The following TSEN2 variants were observed in gnomAD, a reference collection of about 807,000 sequenced individuals.
The protein encoded by TSEN2 is tRNA-splicing endonuclease subunit Sen2.
Under a neutral mutation model 59.2 loss-of-function variants are expected in TSEN2, and 54 were observed. That is an observed-to-expected ratio of 0.91 (90% CI 0.73 to 1.14). TSEN2 has a LOEUF of 1.14. Among genes scored for constraint, TSEN2 ranks in the 50% most tolerant of loss-of-function variants. The pLI is 0.00. For synonymous variants in TSEN2, 195 were observed against 198.2 expected (o/e 0.98, Z 0.14); for missense variants, 636 against 576.2 (o/e 1.10, Z -1.06).
Position 12,497,193 on chromosome 3 carries a change from G to C in TSEN2, c.308+639G>C, listed in dbSNP as rs1015979163. Among the ~76,000 whole-genome samples the C allele has an allele frequency of 2.6e-5, 4 of 152,180 alleles. No homozygotes were observed. The South Asian group carries it at 8.3e-4, about 32-fold the overall frequency. Reference sequence around the variant, plus strand: ...TTAGACTGTCGGTGCTTGGAGAGCAGAGATCAGGCCCTTCTCCTCTCTGCA... The same window carrying C: ...TTAGACTGTCGGTGCTTGGAGAGCACAGATCAGGCCCTTCTCCTCTCTGCA... On this transcript the variant is annotated intron_variant, in intron 4 of 11. Coordinates refer to ENST00000284995, the MANE Select transcript of TSEN2 (RefSeq NM_025265.4).
rs2052399404 is a variant in TSEN2 at position 12,484,638 on chromosome 3, T to C, written c.-260T>C. 6.6e-6 allele frequency: 1 copy of C among 152,228 alleles called. No individual in the cohort carries two copies. Among genetic ancestry groups the C allele is most frequent in the Non-Finnish European group, 1.5e-5 (1 of 68,058 alleles). 9.4% of individuals were successfully genotyped at this position (152,228 alleles called of 1,614,324 possible). ...AGAGGAAAGGGCCTAGGTACTGTGC[T>C]GGGGTCGCACAGCCGGCCGAGACAG... On this transcript the variant is annotated 5_prime_UTR_variant, in exon 1 of 12. Coordinates refer to ENST00000284995, the MANE Select transcript of TSEN2 (RefSeq NM_025265.4).
At chr3:12,521,685 A>G (rs941962338) in intron 8 of TSEN2, among the ~76,000 whole-genome samples, 8 of 151,892 alleles carry the variant, frequency 5.3e-5, no homozygotes, top group Admixed American at 3.9e-4. Flanking sequence ...ACTGCACTCC[A>G]GCCTGCACAA....
upstream of TSEN2, among the ~76,000 whole-genome samples, chr3:12,483,142 G>A (rs530937807): frequency 1.3e-4 from 20 of 152,196 alleles, no homozygotes; most frequent in Non-Finnish European, 1.9e-4. Flanking sequence ...TTGGGAGGCC[G>A]AGGCGGGAGG....
At chr3:12,527,527 C>A (rs1330721282) in intron 8 of TSEN2, among the ~76,000 whole-genome samples, 1 of 149,294 alleles carries the variant, frequency 6.7e-6, no homozygotes, top group African/African-American at 2.5e-5. Flanking sequence ...GATCTCGGCT[C>A]ACTGCAAGCT....
chr3:12,486,465 A>G (rs1224574614), intron 1 of TSEN2, among the ~76,000 whole-genome samples: 1 of 152,164 alleles, frequency 6.6e-6, no homozygotes. Flanking sequence ...TATCTTTTCT[A>G]GAAGCTTCAC....
intron 3 of TSEN2, among the ~76,000 whole-genome samples, chr3:12,495,126 CAAAAAAAA>C (rs1160986136): frequency 1.2e-4 from 8 of 68,700 alleles, no homozygotes; most frequent in African/African-American, 5.0e-4. Flanking sequence ...ACTCCGTCTC[CAAAAAAAA>C]AAAAAAAAAA....
At chr3:12,519,528 G>T (rs1459744928) in intron 8 of TSEN2, among the ~76,000 whole-genome samples, 1 of 152,116 alleles carries the variant, frequency 6.6e-6, no homozygotes, top group African/African-American at 2.4e-5. Context: ...GGTGGATCAC[G>T]AGGTCAGGAG....
chr3:12,500,797 T>G (rs1277639898), intron 4 of TSEN2, among the ~76,000 whole-genome samples: 1 of 152,156 alleles, frequency 6.6e-6, no homozygotes, highest in African/African-American at 2.4e-5. Context: ...TGGGGTCATA[T>G]AGCTGGTATG....
At chr3:12,518,966 G>C in intron 7 of TSEN2, 93 bp from the exon 8 acceptor site, 1 of 1,280,078 alleles carries the variant, frequency 7.8e-7, no homozygotes, top group Non-Finnish European at 1.1e-6. Flanking sequence ...CACTGCTTCA[G>C]CTCCACACTT....
In TSEN2 at chr3:12,532,895, C is replaced by T; in HGVS notation, c.*174C>T. 2 of 686,516 alleles carry T rather than the reference C, an allele frequency of 2.9e-6. No individual in the cohort carries two copies. Among genetic ancestry groups the T allele is most frequent in the South Asian group, 3.4e-5 (2 of 58,770 alleles). The allele number at this position is 686,516 out of a possible 1,614,324, so 42.5% of individuals were successfully genotyped here. ...AAATTACACAAGGGAGGAGAAAGAT[C>T]CCTGTGCTAGGACTGCAGATTCTAT... is the stretch of plus-strand genomic sequence containing the variant. On this transcript the variant is annotated 3_prime_UTR_variant, in exon 12 of 12. Transcript: ENST00000284995.
chr3:12,482,076 C>T (rs1056466388), upstream of TSEN2, among the ~76,000 whole-genome samples: 2 of 151,972 alleles, frequency 1.3e-5, no homozygotes, highest in African/African-American at 2.4e-5. Context: ...GTGTGTATAT[C>T]GAGAATGCAA....
At position 12,486,252 on chromosome 3, in the gene TSEN2, T is replaced by C. The variant is rs560250642; in HGVS notation, c.-18+1372T>C. Among the ~76,000 whole-genome samples, 4 of 152,306 alleles carry C rather than the reference T, an allele frequency of 2.6e-5. No homozygotes were observed. In the South Asian group the frequency reaches 8.3e-4, roughly 32 times the overall value. ...TACTCACATCCCACCTCTTACAGCA[T>C]GCTGTTCTGCCGCGACACTAAAGAA... is the stretch of plus-strand genomic sequence containing the variant. On this transcript the variant is annotated intron_variant, in intron 1 of 11. Transcript: ENST00000284995.
chr3:12,530,715 T>C, intron 10 of TSEN2: 1 of 985,418 alleles, frequency 1.0e-6, no homozygotes, highest in Non-Finnish European at 1.2e-6. Context: ...GCCTATACTG[T>C]TTCTAGAATT....
chr3:12,525,933 G>A (rs572145491), intron 8 of TSEN2, among the ~76,000 whole-genome samples: 5 of 152,188 alleles, frequency 3.3e-5, no homozygotes, highest in South Asian at 2.1e-4. Flanking sequence ...TGATGGCTAC[G>A]ATGTCATTAG....
chr3:12,519,045 G>A lies in TSEN2; in HGVS notation c.961-14G>A, dbSNP rs748777382. The A allele has an allele frequency of 3.7e-5, 60 of 1,613,070 alleles. No homozygotes were observed. Among genetic ancestry groups the A allele is most frequent in the Non-Finnish European group, 4.8e-5 (57 of 1,179,710 alleles). ...ACATAGTAATGCTTTTTGTTTTTTTGTAAATAACTTTAGGAGCCTTTAACG... is the reference window on the plus strand; with the variant it reads ...ACATAGTAATGCTTTTTGTTTTTTTATAAATAACTTTAGGAGCCTTTAACG... On this transcript the variant is annotated splice_polypyrimidine_tract_variant and intron_variant, in intron 7 of 11. Transcript: ENST00000284995.
downstream of TSEN2, among the ~76,000 whole-genome samples, chr3:12,536,876 A>G (rs1367573969): frequency 6.6e-6 from 1 of 152,092 alleles, no homozygotes; most frequent in Non-Finnish European, 1.5e-5. Flanking sequence ...GGTGGCAGGC[A>G]CCTGTAATCC....
At chr3:12,534,252 C>T (rs1238753027), downstream of TSEN2, among the ~76,000 whole-genome samples, 1 of 152,158 alleles carries the variant, frequency 6.6e-6, no homozygotes, top group East Asian at 1.9e-4. Context: ...TGTGATTTTG[C>T]AAACAGTGTC....
At chr3:12,511,710 G>A (rs1460451300) in intron 6 of TSEN2, among the ~76,000 whole-genome samples, 1 of 151,962 alleles carries the variant, frequency 6.6e-6, no homozygotes, top group Non-Finnish European at 1.5e-5. Context: ...GGAACCACAG[G>A]CACATGCCAC....
intron 6 of TSEN2, among the ~76,000 whole-genome samples, chr3:12,508,070 G>A (rs2055029954): frequency 6.6e-6 from 1 of 152,192 alleles, no homozygotes; most frequent in Non-Finnish European, 1.5e-5. Flanking sequence ...CCGTAGGGGA[G>A]TGGCAGTGAC....
Sources: allele counts gnomAD v4.1 joint callset (sites outside exome capture counted in the v4.1 genomes callset), GRCh38; gene constraint gnomAD v4.1.1; transcripts MANE v1.5; gene names NCBI Gene and HGNC (gene_info 2026-07-23, HGNC 2026-07-21).